Variants in ANK3 observed in about 807,000 individuals in gnomAD.
ANK3 encodes the protein ankyrin-3.
Under a neutral mutation model 370.9 loss-of-function variants are expected in ANK3, and 57 were observed. The ratio of observed to expected loss-of-function variants is 0.15; its 90% confidence interval spans 0.12 to 0.19. ANK3 has a LOEUF of 0.19. ANK3 is among the 10% of genes least tolerant of loss of function. The probability of loss-of-function intolerance (pLI) is 1.00; values close to 1 mark genes in which losing one functional copy is unlikely to be tolerated. For missense variants in ANK3, 4,439 were observed against 5,302.1 expected (o/e 0.84, Z 5.06); for synonymous variants, 1,929 against 1,946.3 (o/e 0.99, Z 0.23).
intron 42 of ANK3, among the ~76,000 whole-genome samples, chr10:60,055,440 A>G (rs1564650242): frequency 6.6e-6 from 1 of 152,212 alleles, no homozygotes; most frequent in African/African-American, 2.4e-5. Flanking sequence ...GAATGAAGGT[A>G]TAACGAAATG....
At chr10:60,088,644 C>T (rs935977980) in intron 28 of ANK3, among the ~76,000 whole-genome samples, 18 of 152,044 alleles carry the variant, frequency 1.2e-4, no homozygotes, top group Non-Finnish European at 2.2e-4. Context: ...AGGATGGTCT[C>T]GAACTCGCGA....
intron 16 of ANK3, among the ~76,000 whole-genome samples, chr10:60,191,234 T>C (rs1440620093): frequency 6.6e-6 from 1 of 151,782 alleles, no homozygotes; most frequent in Non-Finnish European, 1.5e-5. Context: ...AATAGACAAA[T>C]GGGACTTAAG....
In ANK3 at chr10:60,166,846, A is replaced by C; in HGVS notation, c.2529T>G (p.Val843=). Residue 843 remains valine (V), a synonymous_variant, in exon 22 of 44, where the codon GTT becomes GTG. Transcript: ENST00000280772. ...KMNVPETMNE[V]LDMSDDEVRK... ...TACCTTCATCATCAGACATATCAAG[A>C]ACTTCATTCATCGTTTCTGGAACAT... The C allele has an allele frequency of 6.2e-7, 1 of 1,614,032 alleles. No individual in the cohort carries two copies.
chr10:60,176,501 T>G (rs1250019820), intron 18 of ANK3, among the ~76,000 whole-genome samples: 29 of 152,036 alleles, frequency 1.9e-4, no homozygotes. Flanking sequence ...GTAGCTCATG[T>G]CTGTAATCCC....
rs766513214 is a variant in ANK3, at chr10:60,279,524, T to C, written c.216+14A>G. On this transcript the variant is annotated intron_variant, in intron 2 of 43. Coordinates refer to ENST00000280772, the MANE Select transcript of ANK3 (RefSeq NM_020987.5). ...GAATTTTAAGTAAAAAATTCAATAATAACTCCAGCTAACCTGATTGCAAAT... is the reference window on the plus strand; with the variant it reads ...GAATTTTAAGTAAAAAATTCAATAACAACTCCAGCTAACCTGATTGCAAAT... The C allele has an allele frequency of 6.4e-7, 1 of 1,572,836 alleles. No homozygotes were observed. Among genetic ancestry groups the C allele is most frequent in the Non-Finnish European group, 8.6e-7 (1 of 1,161,872 alleles).
At chr10:60,327,238 T>C (rs1030505121) in intron 1 of ANK3, among the ~76,000 whole-genome samples, 1 of 152,208 alleles carries the variant, frequency 6.6e-6, no homozygotes, top group African/African-American at 2.4e-5. Flanking sequence ...CTTGGGCTAC[T>C]GATATTCAGG....
At chr10:60,081,761 G>A (rs533449157) in intron 35 of ANK3, 51 of 276,488 alleles carry the variant, frequency 1.8e-4, no homozygotes, top group African/African-American at 1.0e-3. Flanking sequence ...AAGGTAGTGC[G>A]TTATCTCAGT....
At chr10:60,317,518 T>G (rs1213255854) in intron 1 of ANK3, among the ~76,000 whole-genome samples, 6 of 152,110 alleles carry the variant, frequency 3.9e-5, no homozygotes, top group Admixed American at 6.6e-5. Context: ...CTATTACATC[T>G]CATAACTTAC....
upstream of ANK3, among the ~76,000 whole-genome samples, chr10:60,392,972 G>A (rs1243882236): frequency 6.6e-6 from 1 of 151,820 alleles, no homozygotes; most frequent in Non-Finnish European, 1.5e-5. Flanking sequence ...AAAAAGCTAA[G>A]GACAAAAATT....
chr10:60,194,438 C>T lies in ANK3; in HGVS notation c.1887+1707G>A, dbSNP rs78049622. Among the ~76,000 whole-genome samples, 616 of 152,312 alleles carry T rather than the reference C, an allele frequency of 4.0e-3. 1 individual carries two copies. The highest frequency in any genetic ancestry group is 6.8e-3 in the Middle Eastern group (2 of 294). On this transcript the variant is annotated intron_variant, in intron 16 of 43. Transcript: ENST00000280772. ...TCCCTTCTCCCTCTACCCTTGACAT[C>T]CACCATCCTCTGTCTGTCTCTATAA...
chr10:60,730,280 C>A (rs557565792), intron 1 of ANK3, among the ~76,000 whole-genome samples: 38 of 152,190 alleles, frequency 2.5e-4, no homozygotes, highest in African/African-American at 8.4e-4. Flanking sequence ...ACCTCAGCCT[C>A]CAGAATAGCT....
chr10:60,705,828 T>TTC (rs1564592970), intron 1 of ANK3, among the ~76,000 whole-genome samples: 21 of 115,586 alleles, frequency 1.8e-4, no homozygotes, highest in African/African-American at 6.1e-4. Flanking sequence ...TTCTTTCTTT[T>TTC]TTTTTTTTTT....
chr10:60,494,242 A>G (rs2075597175), intron 2 of ANK3, among the ~76,000 whole-genome samples: 1 of 152,056 alleles, frequency 6.6e-6, no homozygotes, highest in Non-Finnish European at 1.5e-5. Flanking sequence ...ATGCTGATAG[A>G]AAAAAAATGT....
At chr10:60,471,038 C>T (rs961348124) in intron 2 of ANK3, among the ~76,000 whole-genome samples, 2 of 152,184 alleles carry the variant, frequency 1.3e-5, no homozygotes, top group Admixed American at 1.3e-4. Context: ...CACATTGAAA[C>T]AATATCAATA....
At chr10:60,351,529 T>C (rs897684719) in intron 1 of ANK3, among the ~76,000 whole-genome samples, 2 of 152,192 alleles carry the variant, frequency 1.3e-5, no homozygotes, top group African/African-American at 4.8e-5. Context: ...GGAAGTTCCT[T>C]ATTTGAAGAA....
intron 1 of ANK3, among the ~76,000 whole-genome samples, chr10:60,352,276 G>A (rs1019772748): frequency 1.3e-5 from 2 of 152,092 alleles, no homozygotes; most frequent in Non-Finnish European, 1.5e-5. Context: ...ATCCAGCCTG[G>A]GTGACACAGC....
chr10:60,404,359 C>T (rs2063410976), intron 2 of ANK3, among the ~76,000 whole-genome samples: 1 of 151,942 alleles, frequency 6.6e-6, no homozygotes, highest in Non-Finnish European at 1.5e-5. Flanking sequence ...TACAGAAAGA[C>T]ACAATAATCA....
At chr10:60,143,834 C>T (rs1344808990) in intron 23 of ANK3, among the ~76,000 whole-genome samples, 5 of 152,172 alleles carry the variant, frequency 3.3e-5, no homozygotes, top group African/African-American at 1.2e-4. Context: ...TCTCTTGAAA[C>T]AGTGGTTTGG....
chr10:60,396,842 T>C (rs2063250493), intron 2 of ANK3, among the ~76,000 whole-genome samples: 1 of 152,194 alleles, frequency 6.6e-6, no homozygotes, highest in African/African-American at 2.4e-5. Context: ...CTAGTTTCTG[T>C]TTCTGTATCT....
Sources: gnomAD v4.1 joint callset for allele counts (sites outside exome capture counted in the v4.1 genomes callset) on GRCh38, gnomAD v4.1.1 for gene constraint, MANE v1.5 for transcripts, NCBI Gene and HGNC (gene_info 2026-07-23, HGNC 2026-07-21) for gene names.